NFIB: variants seen among roughly 807,000 people sequenced by gnomAD.
The protein encoded by NFIB is nuclear factor I B.
NFIB carries 11 observed loss-of-function variants against 61.5 expected under a neutral mutation model. The observed-to-expected ratio is 0.18, with a 90% CI of 0.11 to 0.30. The LOEUF (loss-of-function observed/expected upper bound fraction) is 0.30, where lower values mean the gene tolerates loss of function less well. NFIB is among the 10% of genes least tolerant of loss of function. The pLI, the probability that NFIB is intolerant of heterozygous loss-of-function variation, is 1.00. For synonymous variants in NFIB, 260 were observed against 216.5 expected (o/e 1.20, Z -1.76); for missense variants, 471 against 608.9 (o/e 0.77, Z 2.38).
chr9:14,458,389 G>C, the NFIB span, among the ~76,000 whole-genome samples: 2 of 152,290 alleles, frequency 1.3e-5, no homozygotes, highest in Admixed American at 6.5e-5. Flanking sequence ...AGCTATTTAT[G>C]ACAAACCCAC....
At chr9:14,481,679 C>A in the NFIB span, among the ~76,000 whole-genome samples, 5 of 152,114 alleles carry the variant, frequency 3.3e-5, no homozygotes, top group Non-Finnish European at 5.9e-5. Context: ...CATGGCCACT[C>A]CTGGTTCCAT....
rs1222884994 is a variant in NFIB, at chr9:14,398,642, G to T, written c.-11C>A. On this transcript the variant is annotated 5_prime_UTR_variant, in exon 1 of 9. Coordinates refer to the NFIB transcript ENST00000380934. ...TGGGATTCTTTCCATACTCCGAACG[G>T]ATTCCCGACAAGAAGCCTGTAGGCT... 11 of 1,515,424 alleles carry T rather than the reference G, an allele frequency of 7.3e-6. No individual in the cohort carries two copies. In the Admixed American group the frequency reaches 2.2e-4, roughly 31 times the overall value. 93.9% of individuals were successfully genotyped at this position (1,515,424 alleles called of 1,614,324 possible).
upstream of NFIB, among the ~76,000 whole-genome samples, chr9:14,316,140 C>T (rs956275277): frequency 3.9e-5 from 6 of 152,206 alleles, no homozygotes; most frequent in Non-Finnish European, 7.3e-5. Context: ...GAGTTATCCA[C>T]ATCAAGCATT....
chr9:14,464,846 A>G, the NFIB span, among the ~76,000 whole-genome samples: 2 of 152,116 alleles, frequency 1.3e-5, no homozygotes, highest in Non-Finnish European at 2.9e-5. Context: ...TTTGTCTCCA[A>G]TCCCTCCTGT....
At chr9:14,506,980 A>G in the NFIB span, among the ~76,000 whole-genome samples, 2 of 152,232 alleles carry the variant, frequency 1.3e-5, no homozygotes, top group Non-Finnish European at 2.9e-5. Context: ...CTACCAAAGA[A>G]CAGCATATCT....
chr9:14,100,423 C>T (rs974941998), intron 10 of NFIB, among the ~76,000 whole-genome samples: 1 of 152,182 alleles, frequency 6.6e-6, no homozygotes, highest in East Asian at 1.9e-4. Flanking sequence ...TAAAAAATTA[C>T]TGTGGCCGGG....
the NFIB span, among the ~76,000 whole-genome samples, chr9:14,512,604 TAA>T: frequency 2.2e-4 from 33 of 152,310 alleles, no homozygotes; most frequent in African/African-American, 7.2e-4. Flanking sequence ...AAAAACGTAA[TAA>T]GTCCGCCAAT....
At chr9:14,155,324 T>C (rs572899876) in intron 4 of NFIB, among the ~76,000 whole-genome samples, 7 of 152,200 alleles carry the variant, frequency 4.6e-5, no homozygotes, top group Non-Finnish European at 1.0e-4. Flanking sequence ...GGACATTGTT[T>C]TGGATAACAA....
chr9:14,329,288 T>C (rs2060792737), intron 1 of NFIB, among the ~76,000 whole-genome samples: 1 of 152,042 alleles, frequency 6.6e-6, no homozygotes, highest in African/African-American at 2.4e-5. Flanking sequence ...TGTATTAATG[T>C]TTTTTTCAGA....
At chr9:14,328,029 G>A (rs1458533625) in intron 1 of NFIB, among the ~76,000 whole-genome samples, 1 of 152,176 alleles carries the variant, frequency 6.6e-6, no homozygotes, top group African/African-American at 2.4e-5. Context: ...CTTTTTGTTC[G>A]AGGATGATTG....
At chr9:14,523,388 C>A in the NFIB span, among the ~76,000 whole-genome samples, 2 of 152,072 alleles carry the variant, frequency 1.3e-5, no homozygotes, top group African/African-American at 2.4e-5. Context: ...TTCCTACTCA[C>A]TTTCCCACAA....
intron 2 of NFIB, among the ~76,000 whole-genome samples, chr9:14,241,446 C>T (rs565182970): frequency 3.4e-4 from 51 of 152,126 alleles, no homozygotes; most frequent in African/African-American, 1.1e-3. Flanking sequence ...TTTCCTAGGG[C>T]ACGTAAGAAT....
At position 14,236,251 on chromosome 9, in the gene NFIB, A is replaced by G. The variant is rs569048818; in HGVS notation, c.563-56471T>C. 2.5e-4 allele frequency among the ~76,000 whole-genome samples: 38 copies of G among 152,260 alleles called. No homozygotes were observed. In the South Asian group the frequency reaches 7.5e-3, roughly 30 times the overall value. On this transcript the variant is annotated intron_variant, in intron 2 of 10. Transcript: ENST00000380953. Reference sequence around the variant, plus strand: ...GATTATGGCTACTGCTTTTGACTGTATTTTTCAAAACTGACCACAAAATAG... The same window carrying G: ...GATTATGGCTACTGCTTTTGACTGTGTTTTTCAAAACTGACCACAAAATAG...
At chr9:14,140,841 G>A (rs1563827272) in intron 6 of NFIB, among the ~76,000 whole-genome samples, 2 of 152,086 alleles carry the variant, frequency 1.3e-5, no homozygotes, top group Admixed American at 6.6e-5. Context: ...AGCTGAGGTG[G>A]GAGGATCACT....
chr9:14,203,931 A>G lies in NFIB; in HGVS notation c.563-24151T>C, dbSNP rs534237099. On this transcript the variant is annotated intron_variant, in intron 2 of 10. Coordinates refer to ENST00000380953, the MANE Select transcript of NFIB (RefSeq NM_001190737.2). ...AAAGAAACTCATTTAATTTGTGGGG[A>G]AAAAAAAATGTTAAAAAAAACCTCA... Among the ~76,000 whole-genome samples, 282 of 150,836 alleles carry G rather than the reference A, an allele frequency of 1.9e-3. 2 individuals are homozygous for G. Among genetic ancestry groups the G allele is most frequent in the Middle Eastern group, 3.4e-3 (1 of 294 alleles).
chr9:14,155,132 C>T (rs573948240), intron 4 of NFIB, among the ~76,000 whole-genome samples: 2 of 152,210 alleles, frequency 1.3e-5, no homozygotes, highest in South Asian at 4.1e-4. Context: ...CCTTCTTTAA[C>T]ATAATTAGTA....
chr9:14,347,167 A>AC (rs1241163558), intron 1 of NFIB, among the ~76,000 whole-genome samples: 2 of 145,002 alleles, frequency 1.4e-5, no homozygotes, highest in Non-Finnish European at 3.0e-5. Context: ...AAAAAAAAAA[A>AC]TCTTAAAAAA....
At chr9:14,246,380 T>C (rs2054927007) in intron 2 of NFIB, among the ~76,000 whole-genome samples, 2 of 152,136 alleles carry the variant, frequency 1.3e-5, no homozygotes, top group African/African-American at 4.8e-5. Context: ...TACAGGACTG[T>C]GCTCCAGCCA....
At chr9:14,456,209 A>T in the NFIB span, among the ~76,000 whole-genome samples, 2 of 148,936 alleles carry the variant, frequency 1.3e-5, no homozygotes, top group African/African-American at 2.5e-5. Context: ...ACTACTTGGC[A>T]TTTTTTTTTT....
Sources: allele counts gnomAD v4.1 joint callset (sites outside exome capture counted in the v4.1 genomes callset), GRCh38; gene constraint gnomAD v4.1.1; transcripts MANE v1.5; gene names NCBI Gene and HGNC (gene_info 2026-07-23, HGNC 2026-07-21).